The following GRIN2A variants were observed in gnomAD, a reference collection of about 807,000 sequenced individuals.
GRIN2A encodes glutamate ionotropic receptor NMDA type subunit 2A.
Under a neutral mutation model 113.4 loss-of-function variants are expected in GRIN2A, and 22 were observed. The ratio of observed to expected loss-of-function variants is 0.19; its 90% CI spans 0.14 to 0.28. GRIN2A has a LOEUF of 0.28. Ranked by LOEUF, GRIN2A falls within the 10% of genes least tolerant of loss-of-function variation. The probability of loss-of-function intolerance (pLI) is 1.00; values close to 1 mark genes in which losing one functional copy is unlikely to be tolerated. For synonymous variants in GRIN2A, 827 were observed against 738.4 expected, an observed-to-expected ratio of 1.12 and a Z score of -1.94; for missense variants, 1,502 against 1,887.0, an observed-to-expected ratio of 0.80 and a Z score of 3.78.
intron 2 of GRIN2A, among the ~76,000 whole-genome samples, chr16:9,990,559 G>GCACACACACACA (rs1374648465): frequency 1.1e-5 from 1 of 94,570 alleles, no homozygotes; most frequent in African/African-American, 3.3e-5. Flanking sequence ...GCGCGCGCGC[G>GCACACACACACA]CGCGCACACA....
intron 9 of GRIN2A, among the ~76,000 whole-genome samples, chr16:9,825,601 T>C (rs2042373157): frequency 6.6e-6 from 1 of 152,166 alleles, no homozygotes; most frequent in Non-Finnish European, 1.5e-5. Flanking sequence ...ATTAAAAATA[T>C]CTATCTGTCT....
At chr16:10,147,121 C>T (rs1176120912) in intron 2 of GRIN2A, among the ~76,000 whole-genome samples, 2 of 152,018 alleles carry the variant, frequency 1.3e-5, no homozygotes, top group Non-Finnish European at 2.9e-5. Flanking sequence ...CAGCAAAATA[C>T]TTATGGCACC....
intron 2 of GRIN2A, among the ~76,000 whole-genome samples, chr16:10,118,526 C>A (rs8058567): frequency 1.3e-5 from 2 of 152,108 alleles, no homozygotes; most frequent in East Asian, 1.9e-4. Flanking sequence ...CCATTCATCC[C>A]CTCTGAAAAT....
chr16:9,886,002 T>C (rs1264178856), intron 4 of GRIN2A, among the ~76,000 whole-genome samples: 1 of 152,202 alleles, frequency 6.6e-6, no homozygotes, highest in African/African-American at 2.4e-5. Flanking sequence ...ATGGAGTGTA[T>C]CAAGGGCAGC....
chr16:9,906,892 G>C (rs1033876356), intron 3 of GRIN2A, among the ~76,000 whole-genome samples: 4 of 152,116 alleles, frequency 2.6e-5, no homozygotes. Context: ...GCCCAGGCTG[G>C]AGTGCAGTGG....
chr16:10,009,022 C>T (rs2046454645), intron 2 of GRIN2A, among the ~76,000 whole-genome samples: 2 of 152,194 alleles, frequency 1.3e-5, no homozygotes, highest in Non-Finnish European at 2.9e-5. Flanking sequence ...ACAGGCAATA[C>T]ACTAATACAG....
In GRIN2A at chr16:9,841,088, C is replaced by T. The variant is rs1218196720; in HGVS notation, c.1345G>A (p.Gly449Arg). The T allele has an allele frequency of 6.2e-7, 1 of 1,613,326 alleles. No individual in the cohort carries two copies. The change falls in exon 6 of 13, where the codon GGG becomes AGG. Residue 449 changes from glycine (G) to arginine (R), a missense_variant. By Grantham distance (125) the Gly-to-Arg change is moderately radical (BLOSUM62 -2). Transcript: ENST00000330684. The stretch of plus-strand genomic sequence containing the variant: ...TTGCAGCATTTCTTCACATTCATCC[C>T]CTCATTGGTTGAATTGCTGTAAAGA... Reference protein sequence around the residue: ...FVKINNSTNEGMNVKKCCKGF... With the variant: ...FVKINNSTNERMNVKKCCKGF...
chr16:9,971,098 C>T lies in GRIN2A; in HGVS notation c.415-32547G>A, dbSNP rs528451687. Among the ~76,000 whole-genome samples, 44 of 152,238 alleles carry T rather than the reference C, an allele frequency of 2.9e-4. 1 individual carries two copies. In the South Asian group the frequency reaches 8.5e-3, roughly 29 times the overall value. ...AAAGGCTATGGGTGACAAATAAGAG[C>T]AGACAGTATGAGGTGGGGTGAATTA... On this transcript the variant is annotated intron_variant, in intron 2 of 12. Coordinates refer to ENST00000330684, the MANE Select transcript of GRIN2A (RefSeq NM_001134407.3).
intron 2 of GRIN2A, among the ~76,000 whole-genome samples, chr16:10,177,900 G>T: frequency 6.6e-6 from 1 of 152,176 alleles, no homozygotes; most frequent in Admixed American, 6.5e-5. Flanking sequence ...GGATGAATGA[G>T]TCACATGACA....
chr16:9,849,681 A>G (rs1228738535), intron 5 of GRIN2A, 75 bp downstream of exon 5: 7 of 1,036,046 alleles, frequency 6.8e-6, no homozygotes, highest in Non-Finnish European at 1.1e-5. Flanking sequence ...TCAAGTACAC[A>G]TATTGTTACT....
chr16:10,028,284 T>C (rs1442401774), intron 2 of GRIN2A, among the ~76,000 whole-genome samples: 1 of 152,198 alleles, frequency 6.6e-6, no homozygotes, highest in Non-Finnish European at 1.5e-5. Flanking sequence ...GGCACAGCCA[T>C]GATTCAAATG....
intron 2 of GRIN2A, among the ~76,000 whole-genome samples, chr16:10,095,173 G>C (rs896481694): frequency 6.6e-6 from 1 of 152,140 alleles, no homozygotes; most frequent in Non-Finnish European, 1.5e-5. Context: ...AAACCAGTAA[G>C]AGAGCCCTTA....
chr16:9,814,233 C>T (rs145227079), intron 10 of GRIN2A, among the ~76,000 whole-genome samples: 2 of 152,278 alleles, frequency 1.3e-5, no homozygotes, highest in Admixed American at 1.3e-4. Flanking sequence ...ACCATAACCC[C>T]GTATTTCCAA....
intron 10 of GRIN2A, among the ~76,000 whole-genome samples, chr16:9,811,885 G>A (rs1431360071): frequency 6.6e-6 from 1 of 152,154 alleles, no homozygotes; most frequent in Non-Finnish European, 1.5e-5. Context: ...CTGTGGCTTG[G>A]CTCGAATAGA....
chr16:9,962,629 A>T lies in GRIN2A; in HGVS notation c.415-24078T>A, dbSNP rs530205777. Reference sequence around the variant, plus strand: ...CAGGAAACAACAGGTGCTGGAGAGGATGTGGAGAAATAGGAACATTTTTAC... The same window carrying T: ...CAGGAAACAACAGGTGCTGGAGAGGTTGTGGAGAAATAGGAACATTTTTAC... On this transcript the variant is annotated intron_variant, in intron 2 of 12. Transcript: ENST00000330684. 2.8e-3 allele frequency among the ~76,000 whole-genome samples: 421 copies of T among 152,260 alleles called. 2 individuals are homozygous for T. Among genetic ancestry groups the T allele is most frequent in the African/African-American group, 9.5e-3 (396 of 41,544 alleles).
intron 2 of GRIN2A, among the ~76,000 whole-genome samples, chr16:10,133,377 G>T (rs1192811393): frequency 6.6e-6 from 1 of 152,200 alleles, no homozygotes; most frequent in Non-Finnish European, 1.5e-5. Flanking sequence ...GGAGGCCAAG[G>T]CGGGTGGATC....
chr16:10,042,875 C>G (rs1238056103), intron 2 of GRIN2A, among the ~76,000 whole-genome samples: 1 of 152,182 alleles, frequency 6.6e-6, no homozygotes, highest in African/African-American at 2.4e-5. Flanking sequence ...TGGAACCAGC[C>G]TATGAGTAGA....
chr16:10,084,651 G>A lies in GRIN2A; in HGVS notation c.414+95347C>T, dbSNP rs9931743. Among the ~76,000 whole-genome samples, 851 of 152,208 alleles carry A rather than the reference G, an allele frequency of 5.6e-3. 5 individuals carry two copies. Among genetic ancestry groups the A allele is most frequent in the African/African-American group, 0.018 (750 of 41,532 alleles). The stretch of plus-strand genomic sequence containing the variant: ...AGCTGGTGTCATCTCCTCTGGGGAA[G>A]TTTTTCATCATCTTTGCTCAATTAG... On this transcript the variant is annotated intron_variant, in intron 2 of 12. Transcript: ENST00000330684.
chr16:10,101,236 T>C (rs2048388165), intron 2 of GRIN2A, among the ~76,000 whole-genome samples: 1 of 152,246 alleles, frequency 6.6e-6, no homozygotes, highest in Non-Finnish European at 1.5e-5. Flanking sequence ...ACTTCCTGCC[T>C]TCCCTATTTT....
Sources: allele counts gnomAD v4.1 joint callset (sites outside exome capture counted in the v4.1 genomes callset), GRCh38; gene constraint gnomAD v4.1.1; transcripts MANE v1.5; gene names NCBI Gene and HGNC (gene_info 2026-07-23, HGNC 2026-07-21).